OPCML: variants seen among roughly 807,000 people sequenced by gnomAD.
The protein encoded by OPCML is opioid binding protein/cell adhesion molecule like, also known as opioid-binding protein/cell adhesion molecule.
A neutral mutation model predicts 37.8 loss-of-function variants in OPCML; 13 were observed. That is an observed-to-expected ratio of 0.34 (90% confidence interval 0.22 to 0.55). The LOEUF is 0.55. OPCML is among the 20% of genes least tolerant of loss of function. The pLI is 0.91. For missense variants in OPCML, 341 were observed against 435.6 expected, an observed-to-expected ratio of 0.78 and a Z score of 1.93; for synonymous variants, 176 against 168.8, an observed-to-expected ratio of 1.04 and a Z score of -0.33.
intron 1 of OPCML, among the ~76,000 whole-genome samples, chr11:132,998,609 C>A (rs1462558415): frequency 6.6e-6 from 1 of 152,166 alleles, no homozygotes; most frequent in Non-Finnish European, 1.5e-5. Flanking sequence ...AGAGAGAACT[C>A]TTCTATGCTC....
Position 133,287,539 on chromosome 11 carries a change from G to GAA in OPCML, c.61+244723_61+244724dup, listed in dbSNP as rs35418402. Among the ~76,000 whole-genome samples, 922 of 115,066 alleles carry GAA rather than the reference G, an allele frequency of 8.0e-3. 14 individuals are homozygous for GAA. Among genetic ancestry groups the GAA allele is most frequent in the African/African-American group, 0.026 (870 of 33,128 alleles). The allele number at this position is 115,066 out of a possible 152,430, so 75.5% of individuals were successfully genotyped here. A position where few individuals can be genotyped will look rare whatever the true frequency, so the allele number is the denominator to read the frequency against. On this transcript the variant is annotated intron_variant, in intron 1 of 7. Coordinates refer to ENST00000524381, the MANE Select transcript of OPCML (RefSeq NM_001012393.5). ...CTGATTTCTTTCATGGGAATGTTCA[G>GAA]AAAAAAAAAAAAAAAAGACCAACAA...
intron 7 of OPCML, among the ~76,000 whole-genome samples, chr11:132,432,574 G>A (rs1235289313): frequency 6.6e-6 from 1 of 152,144 alleles, no homozygotes; most frequent in Admixed American, 6.5e-5. Flanking sequence ...CTATGCCATG[G>A]CATTTCAATT....
At position 133,177,149 on chromosome 11, in the gene OPCML, T is replaced by C. The variant is rs569264499; in HGVS notation, c.62-234139A>G. ...TGTAAAAATGAAGTGTATTCATTTA[T>C]TAATATTTATTCATATTTGAGAGCA... On this transcript the variant is annotated intron_variant, in intron 1 of 7. Transcript: ENST00000524381. This position sits in a 1 kb window ranked among gnomAD's most constrained non-coding sequence, Gnocchi z 5.0. Among the ~76,000 whole-genome samples, 1 of 152,384 alleles carries C rather than the reference T, an allele frequency of 6.6e-6. No homozygotes were observed. The highest frequency in any genetic ancestry group is 2.1e-4 in the South Asian group (1 of 4,832).
chr11:132,428,779 T>G (rs535973483), intron 7 of OPCML, among the ~76,000 whole-genome samples: 1 of 152,366 alleles, frequency 6.6e-6, no homozygotes, highest in East Asian at 1.9e-4. Flanking sequence ...GCTCTTCTTC[T>G]GTCCAATGAA....
intron 1 of OPCML, among the ~76,000 whole-genome samples, chr11:133,333,104 G>A (rs565050236): frequency 1.3e-5 from 2 of 152,158 alleles, no homozygotes; most frequent in African/African-American, 4.8e-5. Flanking sequence ...TGTTACCCGG[G>A]TTGGAGTGCA....
At chr11:133,048,290 G>A (rs143665422) in intron 1 of OPCML, among the ~76,000 whole-genome samples, 6 of 152,066 alleles carry the variant, frequency 3.9e-5, no homozygotes, top group East Asian at 1.9e-4. Flanking sequence ...AGACACAGGC[G>A]TGCATTAACT....
chr11:133,086,022 AG>A, intron 1 of OPCML, among the ~76,000 whole-genome samples: 1 of 152,362 alleles, frequency 6.6e-6, no homozygotes, highest in East Asian at 1.9e-4. Flanking sequence ...AATAGAGGAC[AG>A]TTAATGATCC....
At chr11:133,145,913 G>C (rs117821538) in intron 1 of OPCML, among the ~76,000 whole-genome samples, 2 of 152,256 alleles carry the variant, frequency 1.3e-5, no homozygotes, top group East Asian at 3.9e-4. Flanking sequence ...AAAAGTAAAG[G>C]GAGGAGAGAG....
chr11:132,913,807 A>T (rs983224907), intron 2 of OPCML, among the ~76,000 whole-genome samples: 2 of 152,240 alleles, frequency 1.3e-5, no homozygotes, highest in Non-Finnish European at 2.9e-5. Flanking sequence ...GTAAAAATCC[A>T]TATCTGCTTT....
intron 1 of OPCML, among the ~76,000 whole-genome samples, chr11:133,504,790 C>T (rs905950533): frequency 3.2e-4 from 48 of 152,302 alleles, no homozygotes; most frequent in African/African-American, 1.1e-3. Flanking sequence ...ATTGCCTGAT[C>T]GCTTTGACAT....
At chr11:133,449,805 T>A (rs1946544470) in intron 1 of OPCML, among the ~76,000 whole-genome samples, 1 of 151,684 alleles carries the variant, frequency 6.6e-6, no homozygotes, top group Non-Finnish European at 1.5e-5. Context: ...AAATAATGTC[T>A]CACATTCTGA....
At chr11:133,075,482 C>T (rs1035933381) in intron 1 of OPCML, among the ~76,000 whole-genome samples, 1 of 152,102 alleles carries the variant, frequency 6.6e-6, no homozygotes, top group Non-Finnish European at 1.5e-5. Flanking sequence ...GCGGTGGGGA[C>T]GCTGCCGGGA....
intron 1 of OPCML, among the ~76,000 whole-genome samples, chr11:133,490,766 T>C (rs1316233393): frequency 2.6e-5 from 4 of 152,194 alleles, no homozygotes; most frequent in Non-Finnish European, 5.9e-5. Context: ...TAATCCTACA[T>C]CAGCAGAGAG....
intron 1 of OPCML, among the ~76,000 whole-genome samples, chr11:133,470,754 A>C (rs1947090240): frequency 6.6e-6 from 1 of 152,230 alleles, no homozygotes; most frequent in Admixed American, 6.5e-5. Flanking sequence ...TGAAAAGAGC[A>C]ACTAACCATT....
rs77258812 is a variant in OPCML at position 133,268,994 on chromosome 11, C to A, written c.61+263270G>T. ...TGTTTTTGCACAATTCTAGGGGTAC[C>A]TCTTTGATGTGTGCTCCAGGACAGC... is the stretch of plus-strand genomic sequence containing the variant. On this transcript the variant is annotated intron_variant, in intron 1 of 7. Coordinates refer to ENST00000524381, the MANE Select transcript of OPCML (RefSeq NM_001012393.5). 6.7e-3 allele frequency among the ~76,000 whole-genome samples: 1,026 copies of A among 152,238 alleles called. 7 individuals carry two copies. Among genetic ancestry groups the A allele is most frequent in the African/African-American group, 0.022 (914 of 41,558 alleles).
intron 1 of OPCML, among the ~76,000 whole-genome samples, chr11:133,094,627 T>C (rs1948969031): frequency 6.6e-6 from 1 of 152,194 alleles, no homozygotes; most frequent in Non-Finnish European, 1.5e-5. Context: ...TGCAAGTGTC[T>C]GGATAAATGC....
At chr11:132,894,247 T>C (rs2136471898) in intron 2 of OPCML, among the ~76,000 whole-genome samples, 1 of 152,316 alleles carries the variant, frequency 6.6e-6, no homozygotes, top group Admixed American at 6.5e-5. Context: ...ACTTGGTTCT[T>C]TGGACTATTT....
At chr11:132,836,518 C>T (rs1406278942) in intron 2 of OPCML, among the ~76,000 whole-genome samples, 1 of 152,138 alleles carries the variant, frequency 6.6e-6, no homozygotes, top group Non-Finnish European at 1.5e-5. Flanking sequence ...TTTAGGGGAA[C>T]CGCTGGTGTT....
At chr11:133,356,800 A>C (rs1041466225) in intron 1 of OPCML, among the ~76,000 whole-genome samples, 1 of 152,330 alleles carries the variant, frequency 6.6e-6, no homozygotes, top group East Asian at 1.9e-4. Flanking sequence ...GGAACCTCAG[A>C]GTCTCATCCA....
Sources: gnomAD v4.1 joint callset for allele counts (sites outside exome capture counted in the v4.1 genomes callset) on GRCh38, gnomAD v4.1.1 for gene constraint, Gnocchi (gnomAD v3.1) non-coding constraint, MANE v1.5 for transcripts, NCBI Gene and HGNC (gene_info 2026-07-23, HGNC 2026-07-21) for gene names.